The following PHTF2 variants were observed in gnomAD, a reference collection of about 807,000 sequenced individuals.
The protein encoded by PHTF2 is protein PHTF2.
In PHTF2, 60 loss-of-function variants were observed where a neutral mutation model predicts 101.2. The ratio of observed to expected loss-of-function variants is 0.59; its 90% CI spans 0.48 to 0.73. The LOEUF is 0.73. Ranked by LOEUF, PHTF2 falls within the 30% of genes least tolerant of loss-of-function variation. The pLI, the probability that PHTF2 is intolerant of heterozygous loss-of-function variation, is 0.00. For synonymous variants in PHTF2, 311 were observed against 307.3 expected (o/e 1.01, Z -0.13); for missense variants, 747 against 908.7 (o/e 0.82, Z 2.29).
At chr7:77,846,584 CTCGCCTCCCCTCGCCTCCCT>C (rs1796308314) in intron 2 of PHTF2, among the ~76,000 whole-genome samples, 1 of 116,010 alleles carries the variant, frequency 8.6e-6, no homozygotes, top group Non-Finnish European at 1.8e-5. Context: ...CTCGCCTCCC[CTCGCCTCCCCTCGCCTCCCT>C]TCCCCTCCCT....
intron 1 of PHTF2, among the ~76,000 whole-genome samples, chr7:77,832,860 C>T (rs576175620): frequency 2.6e-5 from 4 of 152,060 alleles, no homozygotes; most frequent in Admixed American, 1.3e-4. Context: ...GTAATGCTCT[C>T]GAATCATCCC....
intron 3 of PHTF2, among the ~76,000 whole-genome samples, chr7:77,865,031 A>G (rs59900083): frequency 0.053 from 8,138 of 152,126 alleles, 287 homozygotes; most frequent in South Asian, 0.15. Flanking sequence ...TCTTTTTGAC[A>G]TGACCCTAGT....
chr7:77,899,327 C>T (rs1386545588), intron 5 of PHTF2, among the ~76,000 whole-genome samples: 3 of 151,894 alleles, frequency 2.0e-5, no homozygotes, highest in African/African-American at 7.3e-5. Flanking sequence ...TCGACCTCAG[C>T]TGAGAACATG....
Position 77,838,178 on chromosome 7 carries a change from G to C in PHTF2, c.-35-2043G>C, listed in dbSNP as rs1357698899. 3.3e-5 allele frequency among the ~76,000 whole-genome samples: 5 copies of C among 152,158 alleles called. No individual in the cohort carries two copies. The East Asian group carries it at 9.6e-4, about 29-fold the overall frequency. On this transcript the variant is annotated intron_variant, in intron 1 of 19. Coordinates refer to ENST00000416283, the Ensembl canonical transcript of PHTF2. ...AGCAAAATCAGTGGGGCAAACCTCT[G>C]GGATACAAGGTGGTTGAAGTTAATA... is the stretch of plus-strand genomic sequence containing the variant.
At chr7:77,955,018 T>C in exon 20 of PHTF2, 1 of 402,234 alleles carries the variant, frequency 2.5e-6, no homozygotes, top group South Asian at 8.6e-5. Context: ...TCTTGTGCAA[T>C]TCTTATATTT....
chr7:77,933,872 C>T (rs1270926684), intron 12 of PHTF2, among the ~76,000 whole-genome samples: 1 of 152,138 alleles, frequency 6.6e-6, no homozygotes, highest in Non-Finnish European at 1.5e-5. Flanking sequence ...GATGTCTGTG[C>T]AGAGTAAATT....
rs903859788 is a variant in PHTF2 at position 77,947,310 on chromosome 7, C to A, written c.1960-2368C>A. Among the ~76,000 whole-genome samples the A allele has an allele frequency of 7.2e-5, 11 of 151,914 alleles. No homozygotes were observed. In the East Asian group the frequency reaches 2.2e-3, roughly 30 times the overall value. On this transcript the variant is annotated intron_variant, in intron 16 of 19. Coordinates refer to ENST00000416283, the Ensembl canonical transcript of PHTF2. The stretch of plus-strand genomic sequence containing the variant: ...AGCGCGGTGGCTCACGCCTATAATC[C>A]CAGCACTTTGGGAGGCCTACGTGGG...
At chr7:77,907,175 C>T (rs2150855159) in intron 7 of PHTF2, among the ~76,000 whole-genome samples, 1 of 152,228 alleles carries the variant, frequency 6.6e-6, no homozygotes. Flanking sequence ...AGACTCTCTG[C>T]TTTTCAAAAT....
chr7:77,838,339 A>T (rs1795625051), intron 1 of PHTF2, among the ~76,000 whole-genome samples: 1 of 152,246 alleles, frequency 6.6e-6, no homozygotes, highest in African/African-American at 2.4e-5. Flanking sequence ...GTGGAGGTGA[A>T]CTTTGAAATC....
intron 7 of PHTF2, among the ~76,000 whole-genome samples, chr7:77,903,222 G>A (rs1017550799): frequency 1.3e-5 from 2 of 152,092 alleles, no homozygotes; most frequent in African/African-American, 4.8e-5. Context: ...TACTGCTGAA[G>A]TGATCATATT....
At chr7:77,911,685 T>C (rs766177933) in intron 9 of PHTF2, among the ~76,000 whole-genome samples, 32 of 152,230 alleles carry the variant, frequency 2.1e-4, no homozygotes, top group Non-Finnish European at 3.5e-4. Flanking sequence ...TTTTCGTTGA[T>C]TGTAATTTTG....
intron 11 of PHTF2, chr7:77,923,522 C>T (rs1431366101): frequency 1.0e-6 from 1 of 983,928 alleles, no homozygotes; most frequent in Non-Finnish European, 1.2e-6. Flanking sequence ...AGAAGAGTTA[C>T]TATTCTTTGC....
intron 3 of PHTF2, among the ~76,000 whole-genome samples, chr7:77,891,739 A>G (rs1309959667): frequency 6.6e-6 from 1 of 151,990 alleles, no homozygotes; most frequent in Admixed American, 6.6e-5. Context: ...AGCATGTGCC[A>G]CCACACCTAG....
intron 16 of PHTF2, among the ~76,000 whole-genome samples, chr7:77,947,866 CTT>C: frequency 4.9e-5 from 1 of 20,204 alleles, no homozygotes; most frequent in African/African-American, 1.6e-4. Context: ...GAGACAGAGT[CTT>C]TGCTCTGTCG....
At chr7:77,864,424 G>T (rs1319442339) in intron 3 of PHTF2, among the ~76,000 whole-genome samples, 1 of 152,120 alleles carries the variant, frequency 6.6e-6, no homozygotes, top group Admixed American at 6.5e-5. Flanking sequence ...TCTTTCATAT[G>T]TGGTATAAAC....
rs1796840683 is a variant in PHTF2 at position 77,852,454 on chromosome 7, A to G, written c.46-2279A>G. On this transcript the variant is annotated intron_variant, in intron 2 of 19. Transcript: ENST00000416283. Reference sequence around the variant, plus strand: ...AACCCATTGTTTTAAACTGATGACAACTTAATACCGATTGCAAAAACTAAC... The same window carrying G: ...AACCCATTGTTTTAAACTGATGACAGCTTAATACCGATTGCAAAAACTAAC... Among the ~76,000 whole-genome samples the G allele has an allele frequency of 1.3e-5, 2 of 152,246 alleles. 1 individual carries two copies. The highest frequency in any genetic ancestry group is 4.1e-4 in the South Asian group (2 of 4,832).
chr7:77,926,308 A>C (rs1407084175), intron 11 of PHTF2, among the ~76,000 whole-genome samples: 2 of 152,234 alleles, frequency 1.3e-5, no homozygotes, highest in Non-Finnish European at 2.9e-5. Context: ...GTGACATTAG[A>C]GAACCTGAAA....
chr7:77,920,533 A>G (rs976592236), intron 10 of PHTF2, 68 bp downstream of exon 9: 11 of 1,155,502 alleles, frequency 9.5e-6, no homozygotes, highest in Admixed American at 1.9e-5. Flanking sequence ...TGACTTAGAT[A>G]TAGTAGTTGC....
chr7:77,865,477 A>G (rs1797982837), intron 3 of PHTF2, among the ~76,000 whole-genome samples: 1 of 152,134 alleles, frequency 6.6e-6, no homozygotes, highest in Non-Finnish European at 1.5e-5. Context: ...CACCCAGCGC[A>G]GCCTCCTAAA....
Sources: gnomAD v4.1 joint callset for allele counts (sites outside exome capture counted in the v4.1 genomes callset) on GRCh38, gnomAD v4.1.1 for gene constraint, MANE v1.5 for transcripts, NCBI Gene and HGNC (gene_info 2026-07-23, HGNC 2026-07-21) for gene names.